SOBP: variants seen among roughly 807,000 people sequenced by gnomAD.
The protein encoded by SOBP is sine oculis-binding protein homolog.
SOBP carries 4 observed loss-of-function variants against 53.6 expected under a neutral mutation model. That is an observed-to-expected ratio of 0.07 (90% CI 0.04 to 0.17). The LOEUF is 0.17. Ranked by LOEUF, SOBP falls within the 10% of genes least tolerant of loss-of-function variation. The probability of loss-of-function intolerance (pLI) is 1.00; values close to 1 mark genes in which losing one functional copy is unlikely to be tolerated. For missense variants in SOBP, 1,088 were observed against 1,204.7 expected, an observed-to-expected ratio of 0.90 and a Z score of 1.43; for synonymous variants, 584 against 522.6, an observed-to-expected ratio of 1.12 and a Z score of -1.60.
intron 3 of SOBP, 22 bp downstream of exon 3, chr6:107,506,449 C>T: frequency 6.2e-7 from 1 of 1,612,128 alleles, no homozygotes; most frequent in Non-Finnish European, 8.5e-7. Context: ...CTGGTGTTTT[C>T]AGTGATAACA....
At chr6:107,557,095 A>G (rs943310449) in intron 4 of SOBP, among the ~76,000 whole-genome samples, 14 of 152,212 alleles carry the variant, frequency 9.2e-5, no homozygotes, top group Non-Finnish European at 2.1e-4. Flanking sequence ...AAACATATAT[A>G]TGTGTACTTG....
intron 1 of SOBP, among the ~76,000 whole-genome samples, chr6:107,501,553 T>C (rs1782843803): frequency 2.0e-5 from 3 of 152,204 alleles, no homozygotes; most frequent in African/African-American, 7.2e-5. Flanking sequence ...CACAGACCAA[T>C]AGGATGGCTT....
At chr6:107,561,976 G>T (rs1784784822) in intron 4 of SOBP, among the ~76,000 whole-genome samples, 2 of 151,256 alleles carry the variant, frequency 1.3e-5, no homozygotes, top group Non-Finnish European at 2.9e-5. Context: ...TGTATTCTTT[G>T]AACTAAAATA....
chr6:107,529,393 T>G, intron 3 of SOBP: 2 of 958,378 alleles, frequency 2.1e-6, no homozygotes, highest in Non-Finnish European at 2.5e-6. Context: ...CTCCTCAGAC[T>G]GCCTTGTAAC....
intron 1 of SOBP, among the ~76,000 whole-genome samples, chr6:107,497,638 A>C (rs1262792339): frequency 1.3e-5 from 2 of 152,146 alleles, no homozygotes; most frequent in African/African-American, 4.8e-5. Flanking sequence ...ATACTATACT[A>C]ACCTTCCTTT....
intron 4 of SOBP, among the ~76,000 whole-genome samples, chr6:107,582,821 C>T (rs1181243831): frequency 2.0e-5 from 3 of 152,078 alleles, no homozygotes; most frequent in East Asian, 1.9e-4. Flanking sequence ...TTCTTCTGGC[C>T]CCAGTGGATA....
chr6:107,656,313 A>C (rs1739877), intron 6 of SOBP, among the ~76,000 whole-genome samples: 2,822 of 44,020 alleles, frequency 0.064, 106 homozygotes, highest in East Asian at 0.16. Flanking sequence ...GAAAGAAAGA[A>C]AGAAAGAAAG....
At chr6:107,534,989 T>G (rs1439692610) in intron 4 of SOBP, among the ~76,000 whole-genome samples, 2 of 152,196 alleles carry the variant, frequency 1.3e-5, no homozygotes, top group African/African-American at 2.4e-5. Flanking sequence ...CCCAGTGCTT[T>G]CTTCTTCAAA....
chr6:107,509,232 T>TA (rs1304566231), intron 3 of SOBP, among the ~76,000 whole-genome samples: 8 of 151,790 alleles, frequency 5.3e-5, no homozygotes, highest in Admixed American at 4.6e-4. Flanking sequence ...CCATCTCTAC[T>TA]AAAAATACAA....
At chr6:107,554,109 G>A (rs1224583953) in intron 4 of SOBP, among the ~76,000 whole-genome samples, 1 of 152,186 alleles carries the variant, frequency 6.6e-6, no homozygotes, top group Non-Finnish European at 1.5e-5. Flanking sequence ...GGTTTGACTT[G>A]TACTGCCTGG....
At position 107,611,127 on chromosome 6, in the gene SOBP, C is replaced by T. The variant is rs150747901; in HGVS notation, c.670-22387C>T. 1.8e-3 allele frequency among the ~76,000 whole-genome samples: 281 copies of T among 152,360 alleles called. 2 individuals carry two copies. Among genetic ancestry groups the T allele is most frequent in the African/African-American group, 6.6e-3 (273 of 41,574 alleles). ...TACTTCTGAAGGTCAAATGGTTCTG[C>T]CCCTTGTAGCTGCCCCAGTTCCCTC... On this transcript the variant is annotated intron_variant, in intron 5 of 6. Coordinates refer to ENST00000317357, the MANE Select transcript of SOBP (RefSeq NM_018013.4).
At chr6:107,512,005 A>G (rs1202912113) in intron 3 of SOBP, among the ~76,000 whole-genome samples, 1 of 151,996 alleles carries the variant, frequency 6.6e-6, no homozygotes, top group East Asian at 1.9e-4. Flanking sequence ...TAATAATCAC[A>G]GACTTTTTTG....
chr6:107,508,087 A>G (rs1783048830), intron 3 of SOBP, among the ~76,000 whole-genome samples: 1 of 152,246 alleles, frequency 6.6e-6, no homozygotes, highest in African/African-American at 2.4e-5. Context: ...AGCAGTACTT[A>G]TTATAACATA....
At chr6:107,512,051 A>G (rs1234436967) in intron 3 of SOBP, among the ~76,000 whole-genome samples, 1 of 152,166 alleles carries the variant, frequency 6.6e-6, no homozygotes, top group East Asian at 1.9e-4. Flanking sequence ...AGGCTTTGCC[A>G]TATAGGCAAG....
At chr6:107,631,011 C>G (rs948726255) in intron 5 of SOBP, among the ~76,000 whole-genome samples, 21 of 152,042 alleles carry the variant, frequency 1.4e-4, no homozygotes, top group African/African-American at 4.8e-4. Flanking sequence ...ATGAGCATTC[C>G]TTATTCATCA....
chr6:107,607,004 G>T (rs528469134), intron 5 of SOBP, among the ~76,000 whole-genome samples: 24 of 152,314 alleles, frequency 1.6e-4, no homozygotes, highest in African/African-American at 5.8e-4. Flanking sequence ...TCCTGAGAAA[G>T]GGGACTGGGA....
chr6:107,582,115 G>A (rs1785421570), intron 4 of SOBP, among the ~76,000 whole-genome samples: 1 of 152,176 alleles, frequency 6.6e-6, no homozygotes, highest in Non-Finnish European at 1.5e-5. Flanking sequence ...TGACTTAAAT[G>A]GCAATATTGT....
intron 4 of SOBP, among the ~76,000 whole-genome samples, chr6:107,575,744 A>G (rs1018187775): frequency 1.4e-4 from 21 of 152,206 alleles, no homozygotes; most frequent in African/African-American, 4.8e-4. Context: ...AATAAGAAGA[A>G]GAAGACAGGG....
intron 6 of SOBP, among the ~76,000 whole-genome samples, chr6:107,652,820 G>A (rs1243008558): frequency 6.6e-6 from 1 of 151,640 alleles, no homozygotes. Context: ...CAGCAAAAAG[G>A]TTATGGTTTG....
Sources: gnomAD v4.1 joint callset for allele counts (sites outside exome capture counted in the v4.1 genomes callset) on GRCh38, gnomAD v4.1.1 for gene constraint, MANE v1.5 for transcripts, NCBI Gene and HGNC (gene_info 2026-07-23, HGNC 2026-07-21) for gene names.